The following LRRC41 variants were observed in gnomAD, a reference collection of about 807,000 sequenced individuals.
LRRC41 encodes leucine-rich repeat-containing protein 41.
Under a neutral mutation model 72.1 loss-of-function variants are expected in LRRC41, and 17 were observed. The ratio of observed to expected loss-of-function variants is 0.24; its 90% confidence interval spans 0.16 to 0.35. The LOEUF (loss-of-function observed/expected upper bound fraction) is 0.35. LRRC41 is among the 10% of genes least tolerant of loss of function. LRRC41 has a pLI of 1.00. For missense variants in LRRC41, 759 were observed against 1,065.0 expected (o/e 0.71, Z 4.00); for synonymous variants, 427 against 431.0 (o/e 0.99, Z 0.11).
intron 2 of LRRC41, 94 bp from the exon 3 acceptor site, chr1:46,297,727 T>C (rs775417507): frequency 1.1e-6 from 1 of 891,934 alleles, no homozygotes; most frequent in Non-Finnish European, 1.9e-6. Flanking sequence ...ACAGGAGCAA[T>C]ATGGCAGAGT....
intron 3 of LRRC41, among the ~76,000 whole-genome samples, chr1:46,294,592 C>CTTTTTT (rs60249294): frequency 1.1e-4 from 12 of 108,342 alleles, no homozygotes; most frequent in Non-Finnish European, 1.7e-4. Flanking sequence ...ACAACTAATT[C>CTTTTTT]TTTTTTTTTT....
At position 46,279,787 on chromosome 1, in the gene LRRC41, T is replaced by C. The variant is rs2148311330; in HGVS notation, c.2021-173A>G. Among the ~76,000 whole-genome samples, 1 of 152,332 alleles carries C rather than the reference T, an allele frequency of 6.6e-6. No individual in the cohort carries two copies. The highest frequency in any genetic ancestry group is 1.9e-4 in the East Asian group (1 of 5,190). On this transcript the variant is annotated intron_variant, in intron 7 of 9. Transcript: ENST00000617190. The surrounding 1 kb of genome is among the most constrained non-coding windows in gnomAD (Gnocchi z 4.5). The stretch of plus-strand genomic sequence containing the variant: ...CTAAATCAGAATCCAAACTAAAGAC[T>C]GAACCTAAATGTTCCCTATAAGAAG...
intron 3 of LRRC41, among the ~76,000 whole-genome samples, chr1:46,288,161 G>T (rs965927264): frequency 6.6e-6 from 1 of 152,118 alleles, no homozygotes. Context: ...AACCATCCCA[G>T]ATGTTTCTGA....
At chr1:46,281,491 C>T (rs962899034) in intron 4 of LRRC41, 106 bp from the exon 5 acceptor site, 93 of 1,128,842 alleles carry the variant, frequency 8.2e-5, no homozygotes, top group East Asian at 3.3e-4. Flanking sequence ...ATCTCTTGGG[C>T]TTTGGCTCAG....
chr1:46,295,427 T>A (rs1050218808), intron 3 of LRRC41, among the ~76,000 whole-genome samples: 1 of 152,344 alleles, frequency 6.6e-6, no homozygotes, highest in Middle Eastern at 3.4e-3. Context: ...AAGCATTCTA[T>A]ATTTATCTTG....
intron 4 of LRRC41, 45 bp from the exon 5 acceptor site, chr1:46,281,430 G>C: frequency 6.3e-7 from 1 of 1,590,398 alleles, no homozygotes; most frequent in Non-Finnish European, 8.6e-7. Context: ...GGGAGTGTCA[G>C]CAGGGGTAAT....
At chr1:46,297,745 G>C in intron 2 of LRRC41, 112 bp from the exon 3 acceptor site, 2 of 750,510 alleles carry the variant, frequency 2.7e-6, no homozygotes, top group Non-Finnish European at 2.4e-6. Flanking sequence ...AGTGATTAAG[G>C]GCACTGGCTC....
Position 46,281,244 on chromosome 1 carries a change from G to C in LRRC41, c.1637C>G (p.Ala546Gly). 1 of 1,614,228 alleles carries C rather than the reference G, an allele frequency of 6.2e-7. No individual in the cohort carries two copies. The highest frequency in any genetic ancestry group is 8.5e-7 in the Non-Finnish European group (1 of 1,180,050). ...ILELTRAIVR[A>G]LPLLRVLSIR... is the part of the protein sequence containing the mutation. ...AGAGAGGACCCGTAGCAGGGGCAGT[G>C]CTCGCACGATAGCACGTGTCAGCTC... Residue 546 changes from alanine to glycine, a missense_variant, in exon 5 of 10, where the codon GCA (alanine) becomes GGA (glycine). Transcript: ENST00000617190.
intron 5 of LRRC41, 49 bp from the exon 6 acceptor site, chr1:46,280,609 T>C: frequency 6.3e-7 from 1 of 1,585,106 alleles, no homozygotes; most frequent in Non-Finnish European, 8.6e-7. Context: ...TCTACCTCAC[T>C]CCCATAGCAG....
intron 1 of LRRC41, chr1:46,298,642 A>T: frequency 3.1e-6 from 1 of 323,158 alleles, no homozygotes; most frequent in East Asian, 6.2e-5. Context: ...CTTATTTAGG[A>T]GCTGGTCAGT....
chr1:46,279,015 G>A lies in LRRC41; in HGVS notation c.2289C>T (p.Ala763=), dbSNP rs1345247478. ...AKRLERWGRG[A]FGHLRLFQNW... ...TTTGGAAGAGGCGCAGGTGACCAAA[G>A]GCTCCACGGCCCCAGCGCTCCAGCC... The change falls in exon 10 of 10, where the codon GCC becomes GCT. Residue 763 remains alanine (A), a synonymous_variant. Coordinates refer to ENST00000617190, the MANE Select transcript of LRRC41 (RefSeq NM_006369.5). This position sits in a 1 kb window ranked among gnomAD's most constrained non-coding sequence, Gnocchi z 4.5. 6.2e-7 allele frequency: 1 copy of A among 1,613,610 alleles called. No homozygotes were observed. Among genetic ancestry groups the A allele is most frequent in the South Asian group, 1.1e-5 (1 of 91,016 alleles).
chr1:46,302,200 G>A lies in LRRC41; in HGVS notation c.199+924C>T, dbSNP rs1225982716. The A allele has an allele frequency of 2.0e-6, 2 of 985,224 alleles. No homozygotes were observed. The highest frequency in any genetic ancestry group is 3.5e-5 in the African/African-American group (2 of 57,224). 61.0% of individuals were successfully genotyped at this position (985,224 alleles called of 1,614,324 possible). A position where few individuals can be genotyped will look rare whatever the true frequency, so the allele number is the denominator to read the frequency against. ...TGGGGCCCCCGTTCACTCCCATTCA[G>A]CCCAAGGCCTCTTGGCGGCGCCGCG... is the stretch of plus-strand genomic sequence containing the variant. On this transcript the variant is annotated intron_variant, in intron 1 of 9. Transcript: ENST00000617190. This position sits in a 1 kb window ranked among gnomAD's most constrained non-coding sequence, Gnocchi z 4.7.
Position 46,279,460 on chromosome 1 carries a change from T to TC in LRRC41, c.2143+31dup, listed in dbSNP as rs769533628. The TC allele has an allele frequency of 6.2e-7, 1 of 1,614,086 alleles. No individual in the cohort carries two copies. Among genetic ancestry groups the TC allele is most frequent in the Admixed American group, 1.7e-5 (1 of 60,002 alleles). On this transcript the variant is annotated intron_variant, in intron 8 of 9. Transcript: ENST00000617190. The surrounding 1 kb of genome is among the most constrained non-coding windows in gnomAD (Gnocchi z 4.5). The stretch of plus-strand genomic sequence containing the variant: ...TTTTAGGTCAAAGGCCTAGCTCCTT[T>TC]CCCCTCTCCCTCCCCAGGGTCTGGC...
Position 46,302,297 on chromosome 1 carries a change from C to A in LRRC41, c.199+827G>T. On this transcript the variant is annotated intron_variant, in intron 1 of 9. Coordinates refer to ENST00000617190, the MANE Select transcript of LRRC41 (RefSeq NM_006369.5). This position sits in a 1 kb window ranked among gnomAD's most constrained non-coding sequence, Gnocchi z 4.7. ...CCCGCTTGGGGCCTCCTTGGCCCTT[C>A]CCGCCTGTCCGTCATTCGAGCCTCC... is the stretch of plus-strand genomic sequence containing the variant. 1 of 985,394 alleles carries A rather than the reference C, an allele frequency of 1.0e-6. No homozygotes were observed. The highest frequency in any genetic ancestry group is 1.2e-6 in the Non-Finnish European group (1 of 829,896). 61.0% of individuals were successfully genotyped at this position (985,394 alleles called of 1,614,324 possible).
At position 46,302,087 on chromosome 1, in the gene LRRC41, C is replaced by A; in HGVS notation, c.199+1037G>T. The A allele has an allele frequency of 2.0e-6, 2 of 985,328 alleles. No homozygotes were observed. The highest frequency in any genetic ancestry group is 2.4e-6 in the Non-Finnish European group (2 of 829,866). 61.0% of individuals were successfully genotyped at this position (985,328 alleles called of 1,614,324 possible). A position where few individuals can be genotyped will look rare whatever the true frequency, so the allele number is the denominator to read the frequency against. On this transcript the variant is annotated intron_variant, in intron 1 of 9. Coordinates refer to ENST00000617190, the MANE Select transcript of LRRC41 (RefSeq NM_006369.5). The surrounding 1 kb of genome is among the most constrained non-coding windows in gnomAD (Gnocchi z 4.7). ...CAGCCCCGCCTCCCAGCCCAACTGG[C>A]CGGTTCGCCCTCCCCGGCCGTTCAT...
Position 46,278,471 on chromosome 1 carries a change from G to T in LRRC41, c.*394C>A, listed in dbSNP as rs1660691657. On this transcript the variant is annotated 3_prime_UTR_variant, in exon 10 of 10. Coordinates refer to ENST00000617190, the MANE Select transcript of LRRC41 (RefSeq NM_006369.5). The stretch of plus-strand genomic sequence containing the variant: ...AAAAAAAGAATAAAGGTATGAAAGG[G>T]TTTGAGGCCTGAGAGCAGTGTGGTA... 1.4e-6 allele frequency: 1 copy of T among 735,546 alleles called. No homozygotes were observed. The highest frequency in any genetic ancestry group is 2.5e-5 in the Admixed American group (1 of 40,172). The allele number at this position is 735,546 out of a possible 1,614,324, so 45.6% of individuals were successfully genotyped here. A position where few individuals can be genotyped will look rare whatever the true frequency, so the allele number is the denominator to read the frequency against.
At position 46,286,040 on chromosome 1, in the gene LRRC41, G is replaced by A. The variant is rs1438068133; in HGVS notation, c.817C>T (p.Arg273Trp). ...CRLCGEASRG[R>W]APSRDEGSLL... ...GACCCTTCATCTCGGGATGGGGCCCGGCCTCGGGAGGCCTCTCCACAGAGG... is the reference window on the plus strand; with the variant it reads ...GACCCTTCATCTCGGGATGGGGCCCAGCCTCGGGAGGCCTCTCCACAGAGG... Residue 273 changes from arginine (R) to tryptophan (W), a missense_variant, in exon 4 of 10, where the codon CGG becomes TGG. Physicochemically the swap from Arg to Trp is moderately radical, Grantham distance 101 (BLOSUM62 -3). Around this residue, in one of 4 missense-constraint regions of LRRC41, gnomAD observed 427 missense variants for 520.9 expected, o/e 0.82. Transcript: ENST00000617190. The surrounding 1 kb of genome is among the most constrained non-coding windows in gnomAD (Gnocchi z 5.5). 17 of 1,591,974 alleles carry A rather than the reference G, an allele frequency of 1.1e-5. No homozygotes were observed. Among genetic ancestry groups the A allele is most frequent in the South Asian group, 4.5e-5 (4 of 88,908 alleles).
intron 3 of LRRC41, among the ~76,000 whole-genome samples, chr1:46,287,076 T>C (rs1385822054): frequency 1.3e-5 from 2 of 152,010 alleles, no homozygotes; most frequent in East Asian, 3.9e-4. Flanking sequence ...GTGCTAGGAT[T>C]ACAGGTGTGA....
Position 46,286,213 on chromosome 1 carries a change from C to G in LRRC41, c.644G>C (p.Arg215Pro). 6.2e-7 allele frequency: 1 copy of G among 1,614,186 alleles called. No individual in the cohort carries two copies. Among genetic ancestry groups the G allele is most frequent in the Non-Finnish European group, 8.5e-7 (1 of 1,180,042 alleles). Residue 215 changes from arginine to proline, a missense_variant, in exon 4 of 10, where the codon CGG becomes CCG. Transcript: ENST00000617190. The surrounding 1 kb of genome is among the most constrained non-coding windows in gnomAD (Gnocchi z 5.5). ...GTGAATGAGCTGATGCAACAGCTGC[C>G]GAAGTGACTGCTGAGCAGCCACATC... is the stretch of plus-strand genomic sequence containing the variant. ...FSDVAAQQSLRQLLHQLIHHG... is the reference protein window; with the variant it reads ...FSDVAAQQSLPQLLHQLIHHG...
Sources: allele counts gnomAD v4.1 joint callset (sites outside exome capture counted in the v4.1 genomes callset), GRCh38; gene constraint gnomAD v4.1.1; regional missense constraint gnomAD v4.1.1; non-coding constraint Gnocchi (gnomAD v3.1); transcripts MANE v1.5; gene names NCBI Gene and HGNC (gene_info 2026-07-23, HGNC 2026-07-21).